PRKN: variants seen among roughly 807,000 people sequenced by gnomAD.
The protein encoded by PRKN is E3 ubiquitin-protein ligase parkin.
Under a neutral mutation model 59.5 loss-of-function variants are expected in PRKN, and 56 were observed. The ratio of observed to expected loss-of-function variants is 0.94; its 90% CI spans 0.76 to 1.18. The LOEUF is 1.18. Ranked by LOEUF, PRKN falls within the 50% of genes most tolerant of loss-of-function variation. The pLI is 0.00. For missense variants in PRKN, 657 were observed against 596.4 expected, an observed-to-expected ratio of 1.10 and a Z score of -1.06; for synonymous variants, 250 against 222.1, an observed-to-expected ratio of 1.13 and a Z score of -1.12.
At chr6:161,946,818 T>C (rs975441687) in intron 6 of PRKN, among the ~76,000 whole-genome samples, 2 of 152,160 alleles carry the variant, frequency 1.3e-5, no homozygotes, top group African/African-American at 4.8e-5. Context: ...CAAAGCTAAA[T>C]AAATTACAGT....
In PRKN at chr6:162,412,641, A is replaced by G. The variant is rs2128155339; in HGVS notation, c.171+30669T>C. Among the ~76,000 whole-genome samples, 2 of 152,300 alleles carry G rather than the reference A, an allele frequency of 1.3e-5. 1 individual carries two copies. The highest frequency in any genetic ancestry group is 4.1e-4 in the South Asian group (2 of 4,826). ...ACACTACAAATATGTACAATGACAC[A>G]TTAAATACAACTGTGCTTTCTAAAA... On this transcript the variant is annotated intron_variant, in intron 2 of 11. Coordinates refer to ENST00000366898, the MANE Select transcript of PRKN (RefSeq NM_004562.3).
intron 1 of PRKN, among the ~76,000 whole-genome samples, chr6:162,489,733 T>C (rs1466246816): frequency 1.3e-5 from 2 of 152,166 alleles, no homozygotes; most frequent in African/African-American, 2.4e-5. Context: ...TTCTACTTTG[T>C]ACCCTTGTGG....
At chr6:162,560,691 T>G (rs1779796426) in intron 1 of PRKN, among the ~76,000 whole-genome samples, 1 of 152,070 alleles carries the variant, frequency 6.6e-6, no homozygotes. Context: ...GAAGTATAAA[T>G]TACAGATTGT....
intron 4 of PRKN, among the ~76,000 whole-genome samples, chr6:162,130,756 CACTT>C (rs1781319349): frequency 6.6e-6 from 1 of 152,168 alleles, no homozygotes; most frequent in African/African-American, 2.4e-5. Context: ...GTTTACCACT[CACTT>C]GCTGTGTGAT....
intron 2 of PRKN, among the ~76,000 whole-genome samples, chr6:162,343,773 AG>A (rs759686458): frequency 2.6e-5 from 4 of 152,208 alleles, no homozygotes; most frequent in Non-Finnish European, 5.9e-5. Context: ...TAATAATGCA[AG>A]ATATGCAAAA....
At chr6:162,050,064 C>T (rs11755283) in intron 5 of PRKN, among the ~76,000 whole-genome samples, 7,138 of 152,228 alleles carry the variant, frequency 0.047, 233 homozygotes, top group Non-Finnish European at 0.067. Context: ...GTTACTAAAC[C>T]TTTCTAATCC....
intron 4 of PRKN, among the ~76,000 whole-genome samples, chr6:162,182,645 C>CAGA (rs1783847632): frequency 6.6e-6 from 1 of 152,188 alleles, no homozygotes; most frequent in African/African-American, 2.4e-5. Context: ...AGGATCCTCG[C>CAGA]AGGAGTACAC....
chr6:161,805,478 A>ATG (rs145777473), intron 6 of PRKN, among the ~76,000 whole-genome samples: 41 of 149,464 alleles, frequency 2.7e-4, no homozygotes, highest in Middle Eastern at 3.4e-3. Context: ...ACACACACAC[A>ATG]CATGCATGTA....
rs568096546 is a variant in PRKN, at chr6:161,545,435, A to G, written c.1083+3419T>C. 44 of 1,606,182 alleles carry G rather than the reference A, an allele frequency of 2.7e-5. No homozygotes were observed. In the African/African-American group the frequency reaches 5.5e-4, roughly 20 times the overall value. ...CAGCTTATTTTGTTCTTCGTTGTCC[A>G]TACTGTGAGAGCAAAGAGTAAAAAG... is the stretch of plus-strand genomic sequence containing the variant. On this transcript the variant is annotated intron_variant, in intron 9 of 11. Coordinates refer to ENST00000366898, the MANE Select transcript of PRKN (RefSeq NM_004562.3). This position sits in a 1 kb window ranked among gnomAD's most constrained non-coding sequence, Gnocchi z 4.1.
intron 10 of PRKN, among the ~76,000 whole-genome samples, chr6:161,367,830 TGCCCACA>T (rs1055686020): frequency 6.6e-6 from 1 of 152,216 alleles, no homozygotes; most frequent in African/African-American, 2.4e-5. Context: ...GCAGGGGCTC[TGCCCACA>T]TCACAGAATG....
intron 5 of PRKN, among the ~76,000 whole-genome samples, chr6:162,027,251 G>C (rs1212330698): frequency 2.0e-5 from 3 of 152,048 alleles, no homozygotes; most frequent in African/African-American, 7.2e-5. Context: ...TTCATCTTAT[G>C]ATTCCTATGT....
chr6:161,967,246 G>A (rs1780616754), intron 6 of PRKN, among the ~76,000 whole-genome samples: 1 of 151,632 alleles, frequency 6.6e-6, no homozygotes, highest in African/African-American at 2.4e-5. Context: ...CTTATACATC[G>A]GCCTACATGT....
intron 6 of PRKN, among the ~76,000 whole-genome samples, chr6:161,796,354 CT>C (rs1324921049): frequency 6.6e-6 from 1 of 152,030 alleles, no homozygotes. Flanking sequence ...AACTTCTGTT[CT>C]TTTTAAAAAG....
intron 7 of PRKN, among the ~76,000 whole-genome samples, chr6:161,625,810 C>G (rs1209909132): frequency 2.0e-5 from 3 of 152,124 alleles, no homozygotes; most frequent in African/African-American, 7.2e-5. Flanking sequence ...CAGGCCTATT[C>G]ATAGGCCAGG....
chr6:162,049,038 C>T (rs551484831), intron 5 of PRKN, among the ~76,000 whole-genome samples: 4 of 152,082 alleles, frequency 2.6e-5, no homozygotes, highest in South Asian at 2.1e-4. Flanking sequence ...AAAATAACAG[C>T]GATTAGCATA....
Position 161,440,782 on chromosome 6 carries a change from G to A in PRKN, c.1084-53905C>T, listed in dbSNP as rs1789169887. Among the ~76,000 whole-genome samples the A allele has an allele frequency of 6.6e-6, 1 of 152,170 alleles. No homozygotes were observed. Among genetic ancestry groups the A allele is most frequent in the Admixed American group, 6.5e-5 (1 of 15,282 alleles). On this transcript the variant is annotated intron_variant, in intron 9 of 11. Transcript: ENST00000366898. The surrounding 1 kb of genome is among the most constrained non-coding windows in gnomAD (Gnocchi z 4.1). ...CTCCCTGACATCATTCAGGACTGAA[G>A]GTAGAAAGTAGAATGGCCCTGGGTT... is the stretch of plus-strand genomic sequence containing the variant.
At chr6:162,032,529 A>G (rs551886342) in intron 5 of PRKN, among the ~76,000 whole-genome samples, 97 of 152,294 alleles carry the variant, frequency 6.4e-4, no homozygotes, top group African/African-American at 2.2e-3. Flanking sequence ...TAGAGAGGAC[A>G]AAATAATTTC....
chr6:161,912,888 T>C (rs1230438942), intron 6 of PRKN, among the ~76,000 whole-genome samples: 1 of 152,108 alleles, frequency 6.6e-6, no homozygotes, highest in African/African-American at 2.4e-5. Context: ...TTTAAAGACA[T>C]GGGATAGGCC....
chr6:162,122,313 C>T (rs1399701596), intron 4 of PRKN, among the ~76,000 whole-genome samples: 1 of 152,218 alleles, frequency 6.6e-6, no homozygotes, highest in Non-Finnish European at 1.5e-5. Context: ...AGTGAGTGCT[C>T]AGCATGGAAC....
Sources: gnomAD v4.1 joint callset for allele counts (sites outside exome capture counted in the v4.1 genomes callset) on GRCh38, gnomAD v4.1.1 for gene constraint, Gnocchi (gnomAD v3.1) non-coding constraint, MANE v1.5 for transcripts, NCBI Gene and HGNC (gene_info 2026-07-23, HGNC 2026-07-21) for gene names.